STAT5B: variants seen among roughly 807,000 people sequenced by gnomAD.
STAT5B encodes the protein transcription factor STAT5B.
Under a neutral mutation model 107.8 loss-of-function variants are expected in STAT5B, and 21 were observed. The observed-to-expected ratio is 0.19, with a 90% CI of 0.14 to 0.28. STAT5B has a LOEUF of 0.28. Among genes scored for constraint, STAT5B ranks in the 10% least tolerant of loss-of-function variants. The pLI is 1.00. For synonymous variants in STAT5B, 325 were observed against 401.7 expected (o/e 0.81, Z 2.28); for missense variants, 565 against 1,008.2 (o/e 0.56, Z 5.95).
upstream of STAT5B, among the ~76,000 whole-genome samples, chr17:42,279,170 T>G (rs1343331763): frequency 6.7e-6 from 1 of 148,698 alleles, no homozygotes; most frequent in East Asian, 2.0e-4. Flanking sequence ...GGCGACAGAG[T>G]GAGACCTGTC....
chr17:42,279,912 G>C (rs1413403537), upstream of STAT5B, among the ~76,000 whole-genome samples: 2 of 152,146 alleles, frequency 1.3e-5, no homozygotes, highest in African/African-American at 4.8e-5. Context: ...AGACCTGGCT[G>C]GGTGTGTGCA....
intron 1 of STAT5B, among the ~76,000 whole-genome samples, chr17:42,254,222 A>T (rs1361758490): frequency 2.0e-5 from 3 of 152,144 alleles, no homozygotes; most frequent in African/African-American, 7.2e-5. Context: ...CAAAATAAAA[A>T]TTAAAAAATT....
rs144375399 is a variant in STAT5B, at chr17:42,273,497, C to T, written c.-11+2751G>A. ...CAAATTATCAGAAAAATCATACAAA[C>T]TAGGGTTATTTTGCTTCCTTTTGTA... On this transcript the variant is annotated intron_variant, in intron 1 of 18. Coordinates refer to ENST00000293328, the MANE Select transcript of STAT5B (RefSeq NM_012448.4). 3.9e-5 allele frequency among the ~76,000 whole-genome samples: 6 copies of T among 152,226 alleles called. No individual in the cohort carries two copies. In the East Asian group the frequency reaches 1.2e-3, roughly 29 times the overall value.
At chr17:42,252,301 G>T in intron 1 of STAT5B, among the ~76,000 whole-genome samples, 1 of 152,140 alleles carries the variant, frequency 6.6e-6, no homozygotes, top group Non-Finnish European at 1.5e-5. Context: ...CAATGTCTTT[G>T]ATCATTTTGA....
At chr17:42,241,503 C>A (rs1003385486) in intron 1 of STAT5B, among the ~76,000 whole-genome samples, 1 of 150,586 alleles carries the variant, frequency 6.6e-6, no homozygotes, top group Non-Finnish European at 1.5e-5. Flanking sequence ...AGTGCAGTGG[C>A]ATGATCTTGG....
chr17:42,208,343 T>C (rs979282533), intron 15 of STAT5B, among the ~76,000 whole-genome samples: 3 of 151,652 alleles, frequency 2.0e-5, no homozygotes, highest in African/African-American at 7.3e-5. Flanking sequence ...CTACTAAAAA[T>C]ACAAAAATCA....
chr17:42,268,005 A>G (rs1057347558), intron 1 of STAT5B, among the ~76,000 whole-genome samples: 1 of 152,086 alleles, frequency 6.6e-6, no homozygotes, highest in African/African-American at 2.4e-5. Context: ...AAAGTATTAC[A>G]GTAGGCTAAG....
chr17:42,212,093 C>A lies in STAT5B; in HGVS notation c.1571G>T (p.Gly524Val), dbSNP rs1253487693. 1 of 1,614,096 alleles carries A rather than the reference C, an allele frequency of 6.2e-7. No individual in the cohort carries two copies. The highest frequency in any genetic ancestry group is 8.5e-7 in the Non-Finnish European group (1 of 1,180,000). The stretch of plus-strand genomic sequence containing the variant: ...GAACACGAGGTTCTCCTTGGTCAGG[C>A]CCCGGTTGCTCTGCACTTCGGCCTT... ...KFKAEVQSNR[G>V]LTKENLVFLA... is the part of the protein sequence containing the mutation. Residue 524 changes from glycine to valine, a missense_variant, in exon 13 of 19, where the codon GGC becomes GTC. Transcript: ENST00000293328.
the STAT5B span, among the ~76,000 whole-genome samples, chr17:42,283,005 T>C: frequency 6.6e-6 from 1 of 151,600 alleles, no homozygotes; most frequent in African/African-American, 2.4e-5. Flanking sequence ...GAAGAAACAA[T>C]GAGAAACAGA....
At chr17:42,254,317 C>T (rs2080523779) in intron 1 of STAT5B, among the ~76,000 whole-genome samples, 1 of 152,098 alleles carries the variant, frequency 6.6e-6, no homozygotes, top group East Asian at 1.9e-4. Context: ...GAGTTTGAGG[C>T]TACAGTGAGC....
intron 1 of STAT5B, among the ~76,000 whole-genome samples, chr17:42,264,079 T>C (rs1042426954): frequency 1.3e-5 from 2 of 152,150 alleles, no homozygotes; most frequent in East Asian, 1.9e-4. Flanking sequence ...CTGGACAGTA[T>C]TCTATTGGAC....
At chr17:42,252,666 G>A (rs990741049) in intron 1 of STAT5B, among the ~76,000 whole-genome samples, 3 of 152,302 alleles carry the variant, frequency 2.0e-5, no homozygotes, top group Middle Eastern at 3.4e-3. Flanking sequence ...TAATGGGAGT[G>A]AATCACACTT....
At chr17:42,258,854 T>C (rs947622942) in intron 1 of STAT5B, among the ~76,000 whole-genome samples, 2 of 152,190 alleles carry the variant, frequency 1.3e-5, no homozygotes, top group Admixed American at 6.5e-5. Context: ...CCACCTCACC[T>C]AGGGGGAACT....
At chr17:42,226,331 A>C (rs986431654) in intron 3 of STAT5B, among the ~76,000 whole-genome samples, 1 of 152,194 alleles carries the variant, frequency 6.6e-6, no homozygotes, top group Admixed American at 6.5e-5. Context: ...TGATGACTAG[A>C]TGCAATATGT....
chr17:42,227,273 A>T (rs950780465), intron 3 of STAT5B, among the ~76,000 whole-genome samples: 1 of 151,726 alleles, frequency 6.6e-6, no homozygotes. Flanking sequence ...CGAGGAGTAT[A>T]TGACAACATA....
At chr17:42,239,793 G>T (rs1001566362) in intron 1 of STAT5B, among the ~76,000 whole-genome samples, 36 of 152,284 alleles carry the variant, frequency 2.4e-4, no homozygotes, top group African/African-American at 8.7e-4. Context: ...CCACTCCTGG[G>T]TATATGCCTA....
At chr17:42,255,828 C>T (rs1271897439) in intron 1 of STAT5B, among the ~76,000 whole-genome samples, 3 of 152,306 alleles carry the variant, frequency 2.0e-5, no homozygotes, top group East Asian at 1.9e-4. Flanking sequence ...CAGCGGCTCG[C>T]GCCTGTAATC....
At chr17:42,260,916 CCTT>C (rs1212908203) in intron 1 of STAT5B, among the ~76,000 whole-genome samples, 8 of 131,076 alleles carry the variant, frequency 6.1e-5, no homozygotes, top group African/African-American at 2.7e-4. Flanking sequence ...ATATGTCTTA[CCTT>C]TTTTTTTTTT....
chr17:42,261,205 G>A (rs1160359149), intron 1 of STAT5B, among the ~76,000 whole-genome samples: 1 of 152,068 alleles, frequency 6.6e-6, no homozygotes, highest in Non-Finnish European at 1.5e-5. Flanking sequence ...ACCATGTATG[G>A]CCAGAAAACA....
Sources: gnomAD v4.1 joint callset for allele counts (sites outside exome capture counted in the v4.1 genomes callset) on GRCh38, gnomAD v4.1.1 for gene constraint, MANE v1.5 for transcripts, NCBI Gene and HGNC (gene_info 2026-07-23, HGNC 2026-07-21) for gene names.